The following RPN2 variants were observed in gnomAD, a reference collection of about 807,000 sequenced individuals.
RPN2 encodes the protein ribophorin II.
In RPN2, 29 loss-of-function variants were observed where a neutral mutation model predicts 71.4. The ratio of observed to expected loss-of-function variants is 0.41; its 90% CI spans 0.30 to 0.55. The LOEUF (loss-of-function observed/expected upper bound fraction) is 0.55. Among genes scored for constraint, RPN2 ranks in the 20% least tolerant of loss-of-function variants. RPN2 has a pLI of 0.35. For missense variants in RPN2, 726 were observed against 774.1 expected (o/e 0.94, Z 0.74); for synonymous variants, 308 against 305.0 (o/e 1.01, Z -0.10).
At chr20:37,185,034 C>A (rs1172066184) in intron 2 of RPN2, among the ~76,000 whole-genome samples, 1 of 152,010 alleles carries the variant, frequency 6.6e-6, no homozygotes, top group Non-Finnish European at 1.5e-5. Context: ...AAGGCACTCA[C>A]ATGTATTAAA....
intron 16 of RPN2, among the ~76,000 whole-genome samples, chr20:37,239,082 G>A (rs2068483005): frequency 6.6e-6 from 1 of 152,216 alleles, no homozygotes; most frequent in Non-Finnish European, 1.5e-5. Context: ...GGAGGGAAGT[G>A]GAGGGAAGGA....
Position 37,231,582 on chromosome 20 carries a change from C to T in RPN2, c.1582-714C>T, listed in dbSNP as rs184830418. Among the ~76,000 whole-genome samples the T allele has an allele frequency of 2.8e-4, 43 of 151,876 alleles. 1 individual carries two copies. The highest frequency in any genetic ancestry group is 9.9e-4 in the African/African-American group (41 of 41,384). On this transcript the variant is annotated intron_variant, in intron 13 of 16. Transcript: ENST00000237530. ...AAAAATTAAGCTGGGTGTGGTGGCG[C>T]GTACCTGTAGTCCCAACTACTCAGG...
At chr20:37,204,355 A>C (rs191779034) in intron 5 of RPN2, among the ~76,000 whole-genome samples, 14 of 152,300 alleles carry the variant, frequency 9.2e-5, no homozygotes, top group Admixed American at 7.8e-4. Flanking sequence ...CTTTTGGAGC[A>C]TTAAGAAATT....
chr20:37,191,870 T>C (rs1160847294), intron 2 of RPN2, among the ~76,000 whole-genome samples: 1 of 152,054 alleles, frequency 6.6e-6, no homozygotes, highest in East Asian at 1.9e-4. Context: ...TCACTTGAGG[T>C]CAGGAGTTGG....
chr20:37,241,522 T>C lies in RPN2; in HGVS notation c.*207T>C, dbSNP rs561286946. On this transcript the variant is annotated 3_prime_UTR_variant, in exon 17 of 17. Transcript: ENST00000237530. Reference sequence around the variant, plus strand: ...CTCAGATAGTCTCTTTCTCTGACACTGTGTAAGAAGCTGTGAATATTCCTA... The same window carrying C: ...CTCAGATAGTCTCTTTCTCTGACACCGTGTAAGAAGCTGTGAATATTCCTA... 1.6e-5 allele frequency: 10 copies of C among 632,806 alleles called. No individual in the cohort carries two copies. Among genetic ancestry groups the C allele is most frequent in the African/African-American group, 1.1e-4 (6 of 54,054 alleles). 39.2% of individuals were successfully genotyped at this position (632,806 alleles called of 1,614,324 possible). A position where few individuals can be genotyped will look rare whatever the true frequency, so the allele number is the denominator to read the frequency against.
intron 3 of RPN2, 132 bp downstream of exon 3, chr20:37,198,624 G>T: frequency 2.6e-6 from 3 of 1,142,768 alleles, no homozygotes; most frequent in Non-Finnish European, 3.5e-6. Context: ...CCATTCCTGT[G>T]ATTTTTTTTT....
intron 6 of RPN2, among the ~76,000 whole-genome samples, chr20:37,205,368 C>CT (rs1456912944): frequency 6.6e-6 from 1 of 152,074 alleles, no homozygotes; most frequent in Non-Finnish European, 1.5e-5. Flanking sequence ...GCATGTGTGT[C>CT]TATCACACAT....
chr20:37,228,621 C>T lies in RPN2; in HGVS notation c.1371C>T (p.Asn457=), dbSNP rs747878354. The change falls in exon 12 of 17, where the codon AAC becomes AAT. Residue 457 remains asparagine, a synonymous_variant. Transcript: ENST00000237530. ...TTGTTGCCGAGCCAGACAACAAGAA[C>T]GTGTACAAGTTTGAACTGGATACCT... is the stretch of plus-strand genomic sequence containing the variant. The part of the protein sequence containing the change: ...VVFVAEPDNK[N]VYKFELDTSE... 3.7e-6 allele frequency: 6 copies of T among 1,614,074 alleles called. No homozygotes were observed. Among genetic ancestry groups the T allele is most frequent in the Admixed American group, 3.3e-5 (2 of 59,998 alleles).
Position 37,184,379 on chromosome 20 carries a change from G to C in RPN2, c.207+6G>C, listed in dbSNP as rs2066960164. 2 of 1,613,606 alleles carry C rather than the reference G, an allele frequency of 1.2e-6. No individual in the cohort carries two copies. Among genetic ancestry groups the C allele is most frequent in the African/African-American group, 2.7e-5 (2 of 75,052 alleles). ...CTCAGGTGCCAGATGCAAAGGTAAG[G>C]CTGCTTTTGTCCTGGTGGTCAGGGT... On this transcript the variant is annotated splice_donor_region_variant and intron_variant, in intron 2 of 16. Coordinates refer to ENST00000237530, the MANE Select transcript of RPN2 (RefSeq NM_002951.5).
intron 16 of RPN2, 143 bp from the exon 17 acceptor site, chr20:37,241,160 A>G: frequency 1.1e-6 from 1 of 937,580 alleles, no homozygotes; most frequent in East Asian, 2.6e-5. Context: ...ACATAAATAG[A>G]CTTGGGAGAT....
chr20:37,184,526 C>G lies in RPN2; in HGVS notation c.207+153C>G, dbSNP rs117638145. On this transcript the variant is annotated intron_variant, in intron 2 of 16. Coordinates refer to ENST00000237530, the MANE Select transcript of RPN2 (RefSeq NM_002951.5). ...AGAAATATTTGGCCAGGCGTGGTGA[C>G]TCACGCCTGTAATGCCAGCACTTTG... Among the ~76,000 whole-genome samples the G allele has an allele frequency of 1.7e-3, 253 of 152,342 alleles. 2 individuals are homozygous for G. In the East Asian group the frequency reaches 0.039, roughly 24 times the overall value.
At chr20:37,222,574 G>A (rs1469079328) in intron 9 of RPN2, among the ~76,000 whole-genome samples, 2 of 152,070 alleles carry the variant, frequency 1.3e-5, no homozygotes, top group African/African-American at 4.8e-5. Context: ...CCTCGATATG[G>A]TATTTCAGAA....
intron 1 of RPN2, among the ~76,000 whole-genome samples, chr20:37,181,265 G>A (rs1355071914): frequency 1.3e-5 from 2 of 151,128 alleles, no homozygotes; most frequent in East Asian, 1.9e-4. Context: ...CTTCCACTAC[G>A]GTGGTATACA....
chr20:37,219,426 T>G (rs2067899566), intron 9 of RPN2, among the ~76,000 whole-genome samples: 1 of 152,184 alleles, frequency 6.6e-6, no homozygotes, highest in South Asian at 2.1e-4. Flanking sequence ...TTATTTATCT[T>G]TTTATATTAT....
chr20:37,183,532 G>A (rs948576364), intron 1 of RPN2, among the ~76,000 whole-genome samples: 1 of 152,148 alleles, frequency 6.6e-6, no homozygotes, highest in African/African-American at 2.4e-5. Flanking sequence ...TGTACCTGAG[G>A]TAGATACTAT....
chr20:37,183,989 A>AG (rs2066941799), intron 1 of RPN2, among the ~76,000 whole-genome samples, 191 bp from the exon 2 acceptor site: 1 of 152,190 alleles, frequency 6.6e-6, no homozygotes, highest in South Asian at 2.1e-4. Flanking sequence ...GGCTGCTGGG[A>AG]GGACTGTCCT....
intron 16 of RPN2, among the ~76,000 whole-genome samples, chr20:37,238,048 G>GA (rs1010534863): frequency 6.6e-6 from 1 of 151,992 alleles, no homozygotes; most frequent in African/African-American, 2.4e-5. Flanking sequence ...TAAAAATTAA[G>GA]AAAAAAATCA....
At chr20:37,217,751 A>G (rs1253985486) in intron 9 of RPN2, among the ~76,000 whole-genome samples, 1 of 67,368 alleles carries the variant, frequency 1.5e-5, no homozygotes, top group Admixed American at 1.6e-4. Flanking sequence ...TTTTTTTGAG[A>G]TGGAATCTTG....
rs768526556 is a variant in RPN2, at chr20:37,225,678, C to T, written c.1185-10C>T. The T allele has an allele frequency of 2.5e-6, 4 of 1,579,156 alleles. No homozygotes were observed. The highest frequency in any genetic ancestry group is 3.5e-6 in the Non-Finnish European group (4 of 1,147,978). ...CCTCTCTGAAGACTAACTCTATATG[C>T]CTCTTTCAGGGTGACATACCCAGCC... On this transcript the variant is annotated splice_polypyrimidine_tract_variant and intron_variant, in intron 10 of 16. Coordinates refer to ENST00000237530, the MANE Select transcript of RPN2 (RefSeq NM_002951.5).
Sources: allele counts gnomAD v4.1 joint callset (sites outside exome capture counted in the v4.1 genomes callset), GRCh38; gene constraint gnomAD v4.1.1; transcripts MANE v1.5; gene names NCBI Gene and HGNC (gene_info 2026-07-23, HGNC 2026-07-21).